IL23R: variants seen among roughly 807,000 people sequenced by gnomAD.
IL23R encodes interleukin-23 receptor.
A neutral mutation model predicts 56.9 loss-of-function variants in IL23R; 34 were observed. That is an observed-to-expected ratio of 0.60 (90% CI 0.45 to 0.80). The LOEUF (loss-of-function observed/expected upper bound fraction) is 0.80. Ranked by LOEUF, IL23R falls within the 30% of genes least tolerant of loss-of-function variation. The pLI, the probability that IL23R is intolerant of heterozygous loss-of-function variation, is 0.00. For synonymous variants in IL23R, 230 were observed against 249.2 expected, an observed-to-expected ratio of 0.92 and a Z score of 0.73; for missense variants, 635 against 730.0, an observed-to-expected ratio of 0.87 and a Z score of 1.50.
chr1:67,141,421 A>T (rs902656003), intron 1 of IL23R, among the ~76,000 whole-genome samples: 11 of 143,476 alleles, frequency 7.7e-5, no homozygotes, highest in South Asian at 2.2e-4. Context: ...AAAGCCTCTT[A>T]AAAAAAAAAA....
chr1:67,161,957 CT>C (rs1016843162), upstream of IL23R, among the ~76,000 whole-genome samples: 43 of 151,886 alleles, frequency 2.8e-4, no homozygotes, highest in African/African-American at 1.0e-3. Flanking sequence ...AATAAACTTA[CT>C]TTCTTTTAAA....
intron 5 of IL23R, among the ~76,000 whole-genome samples, chr1:67,203,098 A>C (rs1274139491): frequency 6.6e-6 from 1 of 152,136 alleles, no homozygotes; most frequent in African/African-American, 2.4e-5. Context: ...TGCAATTTTT[A>C]GGAACTAAAT....
chr1:67,258,905 G>C lies in IL23R; in HGVS notation c.1667G>C (p.Gly556Ala), dbSNP rs550527020. The C allele has an allele frequency of 6.2e-7, 1 of 1,614,012 alleles. No individual in the cohort carries two copies. The highest frequency in any genetic ancestry group is 1.3e-5 in the African/African-American group (1 of 75,014). The change falls in exon 11 of 11, where the codon GGA (glycine) becomes GCA (alanine). Residue 556 changes from glycine to alanine, a missense_variant. Physicochemically the swap from Gly to Ala is moderately conservative, Grantham distance 60 (BLOSUM62 0). Transcript: ENST00000347310. ...LGELSLILNQ[G>A]ECSSPDIQNS... ...GAATTAAGCCTCATATTAAATCAAG[G>C]AGAATGCAGTTCTCCTGACATACAA...
rs568332486 is a variant in IL23R, at chr1:67,235,293, C to T, written c.956-1420C>T. On this transcript the variant is annotated intron_variant, in intron 7 of 10. Transcript: ENST00000347310. ...AAAAAACACGGGAAATAACTTTTGG[C>T]TTTTCTGATGTTTTCATCTTCTAAA... Among the ~76,000 whole-genome samples, 3 of 152,316 alleles carry T rather than the reference C, an allele frequency of 2.0e-5. No individual in the cohort carries two copies. In the South Asian group the frequency reaches 6.2e-4, roughly 32 times the overall value.
intron 7 of IL23R, among the ~76,000 whole-genome samples, chr1:67,222,178 G>A (rs192303338): frequency 8.3e-6 from 1 of 120,446 alleles, no homozygotes; most frequent in East Asian, 2.8e-4. Context: ...GTACAGTGGT[G>A]TGATCTCGGC....
intron 1 of IL23R, among the ~76,000 whole-genome samples, chr1:67,149,627 G>A (rs1646710878): frequency 6.6e-6 from 1 of 152,120 alleles, no homozygotes; most frequent in Non-Finnish European, 1.5e-5. Flanking sequence ...ATCCCTGAGT[G>A]AGAACTAGAT....
chr1:67,257,877 T>C (rs1653036140), intron 10 of IL23R, among the ~76,000 whole-genome samples: 1 of 152,068 alleles, frequency 6.6e-6, no homozygotes, highest in African/African-American at 2.4e-5. Context: ...CTGATTTTTG[T>C]ATTTTTAGTA....
chr1:67,228,333 A>G (rs1163662336), intron 7 of IL23R, among the ~76,000 whole-genome samples: 3 of 139,666 alleles, frequency 2.1e-5, no homozygotes, highest in African/African-American at 7.9e-5. Flanking sequence ...ACAGGCATGC[A>G]CCACCATACC....
intron 8 of IL23R, among the ~76,000 whole-genome samples, chr1:67,237,784 T>G (rs1191378492): frequency 2.0e-5 from 3 of 152,354 alleles, no homozygotes; most frequent in African/African-American, 2.4e-5. Context: ...CATTGACCAC[T>G]GACAGACCAT....
rs1261952729 is a variant in IL23R, at chr1:67,199,656, T to C, written c.492-1081T>C. ...TGGCATGCATATGTATACATCTATGTATATGTGTGTATATTTTTGTGTATT... is the reference window on the plus strand; with the variant it reads ...TGGCATGCATATGTATACATCTATGCATATGTGTGTATATTTTTGTGTATT... On this transcript the variant is annotated intron_variant, in intron 4 of 10. Coordinates refer to ENST00000347310, the MANE Select transcript of IL23R (RefSeq NM_144701.3). 3.9e-5 allele frequency among the ~76,000 whole-genome samples: 6 copies of C among 152,310 alleles called. 2 individuals are homozygous for C. Among genetic ancestry groups the C allele is most frequent in the Admixed American group, 3.9e-4 (6 of 15,296 alleles).
intron 9 of IL23R, among the ~76,000 whole-genome samples, chr1:67,255,484 G>C (rs1652889919): frequency 6.6e-6 from 1 of 151,970 alleles, no homozygotes. Context: ...CTGTTGCCCA[G>C]AGTGAGTGCA....
intron 9 of IL23R, among the ~76,000 whole-genome samples, chr1:67,254,443 T>A (rs1652830800): frequency 6.6e-6 from 1 of 151,854 alleles, no homozygotes; most frequent in Non-Finnish European, 1.5e-5. Flanking sequence ...TCTCACTGTA[T>A]CAGTGTACTG....
intron 4 of IL23R, among the ~76,000 whole-genome samples, chr1:67,194,173 T>G (rs190328746): frequency 2.3e-4 from 35 of 152,272 alleles, no homozygotes; most frequent in Admixed American, 1.8e-3. Flanking sequence ...CTGAACCCAG[T>G]CCTTTTGGGT....
Position 67,259,235 on chromosome 1 carries a change from C to T in IL23R, c.*107C>T. ...CCTCTTTTTGAAAAAAATGTATTCA[C>T]ATACAAATCTTCACATGGACACATG... On this transcript the variant is annotated 3_prime_UTR_variant, in exon 11 of 11. Coordinates refer to ENST00000347310, the MANE Select transcript of IL23R (RefSeq NM_144701.3). 9.2e-7 allele frequency: 1 copy of T among 1,082,208 alleles called. No individual in the cohort carries two copies. Among genetic ancestry groups the T allele is most frequent in the Non-Finnish European group, 1.4e-6 (1 of 717,244 alleles). 67.0% of individuals were successfully genotyped at this position (1,082,208 alleles called of 1,614,324 possible).
At chr1:67,189,966 T>TC (rs1178253095) in intron 4 of IL23R, among the ~76,000 whole-genome samples, 1 of 152,042 alleles carries the variant, frequency 6.6e-6, no homozygotes, top group Non-Finnish European at 1.5e-5. Context: ...CAAGTCAATT[T>TC]CCCTAACTAC....
intron 5 of IL23R, among the ~76,000 whole-genome samples, chr1:67,203,287 C>CTAA (rs1558241513): frequency 1.3e-5 from 2 of 151,842 alleles, no homozygotes; most frequent in Non-Finnish European, 2.9e-5. Flanking sequence ...AAATGATTTG[C>CTAA]GCAAAGTCAC....
chr1:67,259,996 A>G (rs920890327), downstream of IL23R: 9 of 149,656 alleles, frequency 6.0e-5, no homozygotes, highest in Non-Finnish European at 1.2e-4. Flanking sequence ...AAAAAGAATA[A>G]CTAATACTTG....
At position 67,219,871 on chromosome 1, in the gene IL23R, G is replaced by C. The variant is rs539176340; in HGVS notation, c.955+141G>C. The C allele has an allele frequency of 3.8e-6, 3 of 780,018 alleles. No individual in the cohort carries two copies. The Admixed American group carries it at 6.2e-5, about 16-fold the overall frequency. 48.3% of individuals were successfully genotyped at this position (780,018 alleles called of 1,614,324 possible). Reference sequence around the variant, plus strand: ...GCTTGAGCCTAGGAGTTTGAGACTGGCCTGGGCAACATAGTGAGACCCTAG... The same window carrying C: ...GCTTGAGCCTAGGAGTTTGAGACTGCCCTGGGCAACATAGTGAGACCCTAG... On this transcript the variant is annotated intron_variant, in intron 7 of 10. Coordinates refer to ENST00000347310, the MANE Select transcript of IL23R (RefSeq NM_144701.3).
chr1:67,187,479 A>C (rs2102596076), intron 4 of IL23R, among the ~76,000 whole-genome samples: 1 of 152,282 alleles, frequency 6.6e-6, no homozygotes, highest in South Asian at 2.1e-4. Context: ...TGTATTATAT[A>C]TTTCTTTTAA....
Sources: gnomAD v4.1 joint callset for allele counts (sites outside exome capture counted in the v4.1 genomes callset) on GRCh38, gnomAD v4.1.1 for gene constraint, MANE v1.5 for transcripts, NCBI Gene and HGNC (gene_info 2026-07-23, HGNC 2026-07-21) for gene names.